CLUH: variants seen among roughly 807,000 people sequenced by gnomAD.
CLUH encodes CLUH binding protein of NUMT mRNA.
CLUH carries 77 observed loss-of-function variants against 139.3 expected under a neutral mutation model. That is an observed-to-expected ratio of 0.55 (90% confidence interval 0.46 to 0.67). The LOEUF is 0.67. CLUH is among the 30% of genes least tolerant of loss of function. The probability of loss-of-function intolerance (pLI) is 0.00; values close to 1 mark genes in which losing one functional copy is unlikely to be tolerated. For missense variants in CLUH, 1,876 were observed against 1,875.8 expected, an observed-to-expected ratio of 1.00 and a Z score of 0.00; for synonymous variants, 999 against 801.6, an observed-to-expected ratio of 1.25 and a Z score of -4.16.
rs1454475666 is a variant in CLUH, at chr17:2,703,884, G to A, written c.304-395C>T. Among the ~76,000 whole-genome samples, 1 of 152,192 alleles carries A rather than the reference G, an allele frequency of 6.6e-6. No individual in the cohort carries two copies. Among genetic ancestry groups the A allele is most frequent in the Non-Finnish European group, 1.5e-5 (1 of 68,042 alleles). On this transcript the variant is annotated intron_variant, in intron 2 of 25. Coordinates refer to ENST00000651024, the MANE Select transcript of CLUH (RefSeq NM_001366661.1). This position sits in a 1 kb window ranked among gnomAD's most constrained non-coding sequence, Gnocchi z 4.2. ...ATGGCTTTCCCCTTCCAGAAGGGGT[G>A]CTCTGGGGCCCAAGCCTGCGGGTGC...
chr17:2,692,693 G>C lies in CLUH; in HGVS notation c.3316C>G (p.His1106Asp). Residue 1106 changes from histidine to aspartate, a missense_variant, in exon 21 of 26, where the codon CAC (histidine) becomes GAC (aspartate). Physicochemically the swap from His to Asp is moderately conservative, Grantham distance 81 (BLOSUM62 -1). Transcript: ENST00000651024. ...EHPNTIQEYM[H>D]LALYCFASSQ... The stretch of plus-strand genomic sequence containing the variant: ...CTGGCGAAGCAGTACAGGGCCAGGT[G>C]CATCTGCGGGCGGGGCGGAGACAGG... The C allele has an allele frequency of 1.2e-6, 2 of 1,610,164 alleles. No homozygotes were observed. Among genetic ancestry groups the C allele is most frequent in the Non-Finnish European group, 1.7e-6 (2 of 1,178,022 alleles).
chr17:2,701,816 G>T, intron 4 of CLUH, 79 bp from the exon 5 acceptor site: 2 of 1,572,318 alleles, frequency 1.3e-6, no homozygotes, highest in Non-Finnish European at 1.7e-6. Flanking sequence ...GCCGTGGTCC[G>T]GGTGCCTCAG....
chr17:2,690,094 G>A lies in CLUH; in HGVS notation c.*500C>T, dbSNP rs1344451445. The A allele has an allele frequency of 6.5e-6, 1 of 153,192 alleles. No homozygotes were observed. The highest frequency in any genetic ancestry group is 1.9e-4 in the East Asian group (1 of 5,202). 9.5% of individuals were successfully genotyped at this position (153,192 alleles called of 1,614,324 possible). ...CCCACCCCTCCCCACCGGGTTTTTCGGCCTAAACCCTGAACTTTCAGACAG... is the reference window on the plus strand; with the variant it reads ...CCCACCCCTCCCCACCGGGTTTTTCAGCCTAAACCCTGAACTTTCAGACAG... On this transcript the variant is annotated 3_prime_UTR_variant, in exon 26 of 26. Transcript: ENST00000651024.
At position 2,698,112 on chromosome 17, in the gene CLUH, T is replaced by C; in HGVS notation, c.1745A>G (p.Glu582Gly). 6.3e-7 allele frequency: 1 copy of C among 1,599,578 alleles called. No individual in the cohort carries two copies. The highest frequency in any genetic ancestry group is 8.5e-7 in the Non-Finnish European group (1 of 1,174,666). Residue 582 changes from glutamate to glycine, a missense_variant, in exon 10 of 26, where the codon GAG becomes GGG. Glu to Gly is a moderately conservative substitution (Grantham distance 98). Coordinates refer to ENST00000651024, the MANE Select transcript of CLUH (RefSeq NM_001366661.1). ...CTTGCACTCGACCGAGGAGCAGAGC[T>C]CCACCTCCTCGTCACGGTCGTTGAG... ...QVLNDRDEEV[E>G]LCSSVECKGI...
At position 2,695,482 on chromosome 17, in the gene CLUH, T is replaced by C. The variant is rs1480784898; in HGVS notation, c.2436A>G (p.Ala812=). The part of the protein sequence containing the change: ...MEHAVLPVDG[A]TLAEVMRQRG... ...GCTGGCGCATCACCTCTGCCAGCGT[T>C]GCCCCGTCCACGGGCAGGACCGCGT... The change falls in exon 14 of 26, where the codon GCA becomes GCG. Residue 812 remains alanine, a synonymous_variant. Transcript: ENST00000651024. 2 of 1,609,770 alleles carry C rather than the reference T, an allele frequency of 1.2e-6. No homozygotes were observed. Among genetic ancestry groups the C allele is most frequent in the Admixed American group, 1.7e-5 (1 of 60,000 alleles).
At chr17:2,696,604 G>A (rs1277660551) in intron 11 of CLUH, 66 bp from the exon 12 acceptor site, 3 of 1,531,560 alleles carry the variant, frequency 2.0e-6, no homozygotes, top group African/African-American at 1.4e-5. Context: ...GCTGCGCCAA[G>A]CCTCGCCCCC....
In CLUH at chr17:2,703,355, C is replaced by T. The variant is rs1377447503; in HGVS notation, c.438G>A (p.Glu146=). 2 of 1,612,914 alleles carry T rather than the reference C, an allele frequency of 1.2e-6. No homozygotes were observed. Among genetic ancestry groups the T allele is most frequent in the Admixed American group, 1.7e-5 (1 of 59,896 alleles). Residue 146 remains glutamate (E), a synonymous_variant, in exon 3 of 26, where the codon GAG becomes GAA. Coordinates refer to ENST00000651024, the MANE Select transcript of CLUH (RefSeq NM_001366661.1). The surrounding 1 kb of genome is among the most constrained non-coding windows in gnomAD (Gnocchi z 4.2). ...LDHFSELRSV[E]GLQEGSVLRV... is the part of the protein sequence containing the mutation. ...GCAGCACAGAGCCCTCCTGCAGCCC[C>T]TCGACGCTGCGCAGCTCCGAGAAGT...
chr17:2,695,384 T>A lies in CLUH; in HGVS notation c.2534A>T (p.Asp845Val). The change falls in exon 14 of 26, where the codon GAC (aspartate) becomes GTC (valine). Residue 845 changes from aspartate (D) to valine (V), a missense_variant. Around this residue, in one of 3 missense-constraint regions of CLUH, gnomAD observed 1,454 missense variants for 1,384.4 expected, o/e 1.05. Transcript: ENST00000651024. ...CCGGGCAGCACTCACAAAGACGTGG[T>A]CCAGCTGGTGGCGGGCCGGGCTCCG... ...VLRSPARHQLDHVFKIGIGEL... is the reference protein window; with the variant it reads ...VLRSPARHQLVHVFKIGIGEL... 1 of 1,612,854 alleles carries A rather than the reference T, an allele frequency of 6.2e-7. No homozygotes were observed. The highest frequency in any genetic ancestry group is 8.5e-7 in the Non-Finnish European group (1 of 1,179,696).
rs367935854 is a variant in CLUH, at chr17:2,698,345, C to T, written c.1512G>A (p.Gly504=). 2.5e-6 allele frequency: 4 copies of T among 1,613,034 alleles called. No homozygotes were observed. The Admixed American group carries it at 5.0e-5, about 20-fold the overall frequency. The change falls in exon 10 of 26, where the codon GGG becomes GGA. Residue 504 remains glycine, a synonymous_variant. Transcript: ENST00000651024. ...VRTYNAVDVE[G]LYTLGTVVVD... Reference sequence around the variant, plus strand: ...CCACCACCGTGCCCAGCGTGTACAGCCCCTCCACGTCCACCGCGTTGTACG... The same window carrying T: ...CCACCACCGTGCCCAGCGTGTACAGTCCCTCCACGTCCACCGCGTTGTACG...
rs752424447 is a variant in CLUH at position 2,695,028 on chromosome 17, G to T, written c.2681C>A (p.Pro894His). ...LNCFLSSYPN[P>H]VAHLPADELV... The stretch of plus-strand genomic sequence containing the variant: ...CTCGTCGGCGGGCAGGTGGGCCACG[G>T]GGTTTGGGTAGGAGCTCAGGAAGCA... The change falls in exon 16 of 26, where the codon CCC becomes CAC. Residue 894 changes from proline to histidine, a missense_variant. Transcript: ENST00000651024. 1.2e-6 allele frequency: 2 copies of T among 1,613,602 alleles called. No homozygotes were observed. The highest frequency in any genetic ancestry group is 1.7e-6 in the Non-Finnish European group (2 of 1,179,802).
chr17:2,692,890 C>A (rs772607562), intron 19 of CLUH, 30 bp from the exon 20 acceptor site: 2 of 1,546,498 alleles, frequency 1.3e-6, no homozygotes, highest in Non-Finnish European at 1.7e-6. Context: ...GTTGCCGCGG[C>A]GTGGGAACCC....
chr17:2,695,164 C>A (rs1050947437), intron 15 of CLUH, 54 bp downstream of exon 15: 23 of 1,613,412 alleles, frequency 1.4e-5, no homozygotes, highest in Non-Finnish European at 1.9e-5. Context: ...TCTTTCCCGA[C>A]GCCCCACACC....
At chr17:2,705,641 C>G (rs2070328916) in intron 1 of CLUH, among the ~76,000 whole-genome samples, 1 of 152,204 alleles carries the variant, frequency 6.6e-6, no homozygotes, top group Non-Finnish European at 1.5e-5. Context: ...CTCCCTCCCC[C>G]TTTCATTCCC....
rs1377938363 is a variant in CLUH, at chr17:2,692,927, C to T, written c.3232-67G>A. On this transcript the variant is annotated intron_variant, in intron 19 of 25. Transcript: ENST00000651024. Reference sequence around the variant, plus strand: ...CACTGCACCCAGAGCCCGCCTGGCCCCGGCCCAGCAGCCCACGGTGCCGCT... The same window carrying T: ...CACTGCACCCAGAGCCCGCCTGGCCTCGGCCCAGCAGCCCACGGTGCCGCT... The T allele has an allele frequency of 4.1e-6, 6 of 1,457,520 alleles. No individual in the cohort carries two copies. The South Asian group carries it at 8.2e-5, about 20-fold the overall frequency. The allele number at this position is 1,457,520 out of a possible 1,614,324, so 90.3% of individuals were successfully genotyped here. A position where few individuals can be genotyped will look rare whatever the true frequency, so the allele number is the denominator to read the frequency against.
chr17:2,700,262 G>C (rs959865001), intron 9 of CLUH, 120 bp downstream of exon 9: 5 of 884,420 alleles, frequency 5.7e-6, no homozygotes, highest in Non-Finnish European at 8.6e-6. Context: ...ACTGGCCTTC[G>C]GGGAACCTGA....
chr17:2,698,155 T>C lies in CLUH; in HGVS notation c.1702A>G (p.Ile568Val). 1 of 1,579,932 alleles carries C rather than the reference T, an allele frequency of 6.3e-7. No individual in the cohort carries two copies. Among genetic ancestry groups the C allele is most frequent in the African/African-American group, 1.3e-5 (1 of 74,240 alleles). Reference protein sequence around the residue: ...LLERTSRPLKILRHQVLNDRD... With the variant: ...LLERTSRPLKVLRHQVLNDRD... ...TCGTTGAGCACCTGGTGCCGCAGGA[T>C]CTTGAGGGGCCGACTCGTGCGCTCC... Residue 568 changes from isoleucine to valine, a missense_variant, in exon 10 of 26, where the codon ATC becomes GTC. This residue lies in a region of CLUH where 1,454 missense variants were observed against 1,384.4 expected (regional missense o/e 1.05). Transcript: ENST00000651024.
At position 2,692,457 on chromosome 17, in the gene CLUH, C is replaced by T. The variant is rs1409156052; in HGVS notation, c.3464G>A (p.Gly1155Glu). 9 of 1,599,606 alleles carry T rather than the reference C, an allele frequency of 5.6e-6. No homozygotes were observed. The highest frequency in any genetic ancestry group is 7.6e-6 in the Non-Finnish European group (9 of 1,178,510). Residue 1155 changes from glycine (G) to glutamate (E), a missense_variant, in exon 22 of 26, where the codon GGG (glycine) becomes GAG (glutamate). Gly to Glu is a moderately conservative substitution (Grantham distance 98). Transcript: ENST00000651024. The part of the protein sequence containing the change: ...LDNNIGLVLH[G>E]VMEYDLSLRF... ...CAGCGACAGGTCGTACTCCATCACC[C>T]CGTGCAGCACCAGCCCGATGTTGTT... is the stretch of plus-strand genomic sequence containing the variant.
chr17:2,704,637 G>A lies in CLUH; in HGVS notation c.101-73C>T, dbSNP rs1044760720. On this transcript the variant is annotated intron_variant, in intron 1 of 25. Coordinates refer to ENST00000651024, the MANE Select transcript of CLUH (RefSeq NM_001366661.1). This position sits in a 1 kb window ranked among gnomAD's most constrained non-coding sequence, Gnocchi z 5.7. The stretch of plus-strand genomic sequence containing the variant: ...CGGGGCTGTCCGCCTGACCCCACAC[G>A]GGGACACGTGCCTTCTGGAAAGGCA... 87 of 1,383,092 alleles carry A rather than the reference G, an allele frequency of 6.3e-5. No homozygotes were observed. The highest frequency in any genetic ancestry group is 2.5e-4 in the Middle Eastern group (1 of 3,926). The allele number at this position is 1,383,092 out of a possible 1,614,324, so 85.7% of individuals were successfully genotyped here.
In CLUH at chr17:2,701,123, G is replaced by A. The variant is rs538988202; in HGVS notation, c.1025+17C>T. ...CCGTGTGCCATGAGACAAGGCGGGA[G>A]GGGACAAAGGCACTACCTTTTCTTC... is the stretch of plus-strand genomic sequence containing the variant. On this transcript the variant is annotated intron_variant, in intron 7 of 25. Transcript: ENST00000651024. 54 of 1,613,672 alleles carry A rather than the reference G, an allele frequency of 3.3e-5. 1 individual carries two copies. The South Asian group carries it at 5.3e-4, about 16-fold the overall frequency.
Sources: allele counts gnomAD v4.1 joint callset (sites outside exome capture counted in the v4.1 genomes callset), GRCh38; gene constraint gnomAD v4.1.1; regional missense constraint gnomAD v4.1.1; non-coding constraint Gnocchi (gnomAD v3.1); transcripts MANE v1.5; gene names NCBI Gene and HGNC (gene_info 2026-07-23, HGNC 2026-07-21).